TJP3: variants seen among roughly 807,000 people sequenced by gnomAD.
TJP3 encodes tight junction protein ZO-3.
TJP3 carries 85 observed loss-of-function variants against 104.2 expected under a neutral mutation model. The ratio of observed to expected loss-of-function variants is 0.82; its 90% confidence interval spans 0.68 to 0.98. The LOEUF (loss-of-function observed/expected upper bound fraction) is 0.98. Ranked by LOEUF, TJP3 falls within the 50% of genes least tolerant of loss-of-function variation. The pLI is 0.00. For missense variants in TJP3, 1,367 were observed against 1,322.8 expected (o/e 1.03, Z -0.52); for synonymous variants, 550 against 550.6 (o/e 1.00, Z 0.02).
chr19:3,716,801 A>ATATATTTTTTT (rs1421328174), intron 1 of TJP3, among the ~76,000 whole-genome samples: 1 of 81,972 alleles, frequency 1.2e-5, no homozygotes, highest in African/African-American at 4.9e-5. Flanking sequence ...ATATATATAT[A>ATATATTTTTTT]TTTTTTTTTT....
At position 3,730,795 on chromosome 19, in the gene TJP3, C is replaced by T; in HGVS notation, c.613+89C>T. On this transcript the variant is annotated intron_variant, in intron 5 of 20. Coordinates refer to ENST00000541714, the MANE Select transcript of TJP3 (RefSeq NM_001267560.2). This position sits in a 1 kb window ranked among gnomAD's most constrained non-coding sequence, Gnocchi z 7.3. ...CGACGGTTTCAAGTGATTCTCCTGCCTCAGCCTCCCTGGTGGCTGGGACTC... is the reference window on the plus strand; with the variant it reads ...CGACGGTTTCAAGTGATTCTCCTGCTTCAGCCTCCCTGGTGGCTGGGACTC... The T allele has an allele frequency of 7.2e-7, 1 of 1,388,458 alleles. No homozygotes were observed. The highest frequency in any genetic ancestry group is 1.4e-5 in the South Asian group (1 of 70,778). 86.0% of individuals were successfully genotyped at this position (1,388,458 alleles called of 1,614,324 possible). A position where few individuals can be genotyped will look rare whatever the true frequency, so the allele number is the denominator to read the frequency against.
intron 1 of TJP3, among the ~76,000 whole-genome samples, chr19:3,725,279 T>TCAACCAAC (rs2036585305): frequency 6.8e-6 from 1 of 147,150 alleles, no homozygotes; most frequent in Non-Finnish European, 1.5e-5. Flanking sequence ...AAACAACCAA[T>TCAACCAAC]CAACCAACCA....
At chr19:3,749,323 C>G (rs1053238243) in intron 19 of TJP3, among the ~76,000 whole-genome samples, 2 of 151,958 alleles carry the variant, frequency 1.3e-5, no homozygotes, top group African/African-American at 4.8e-5. Context: ...TGAACTTGAC[C>G]TATCTAATTT....
At chr19:3,748,847 C>A (rs1480548829) in intron 19 of TJP3, among the ~76,000 whole-genome samples, 1 of 116,260 alleles carries the variant, frequency 8.6e-6, no homozygotes. Flanking sequence ...CTGCACCCGG[C>A]CTTTTTTTTT....
chr19:3,735,665 G>A (rs2036729145), intron 9 of TJP3, 26 bp downstream of exon 9: 5 of 1,613,244 alleles, frequency 3.1e-6, no homozygotes, highest in Non-Finnish European at 4.2e-6. Flanking sequence ...GAGCACCCCT[G>A]TCCCTGACAT....
At chr19:3,709,932 A>C (rs2036418315) in intron 1 of TJP3, among the ~76,000 whole-genome samples, 1 of 151,962 alleles carries the variant, frequency 6.6e-6, no homozygotes, top group Non-Finnish European at 1.5e-5. Flanking sequence ...AGTGGATCAC[A>C]AGGTCAGGAG....
rs2036727609 is a variant in TJP3 at position 3,735,568 on chromosome 19, A to C, written c.989A>C (p.Glu330Ala). ...PEASQTDSPV[E>A]SPRLRRESSV... Reference sequence around the variant, plus strand: ...ACTCCCAATCTGTTCCCCACCAGGGAGAGTCCCCGGCTTCGGCGGGAAAGT... The same window carrying C: ...ACTCCCAATCTGTTCCCCACCAGGGCGAGTCCCCGGCTTCGGCGGGAAAGT... The change falls in exon 9 of 21, where the codon GAG becomes GCG. Residue 330 changes from glutamate to alanine, a missense_variant and splice_region_variant. Coordinates refer to ENST00000541714, the MANE Select transcript of TJP3 (RefSeq NM_001267560.2). The C allele has an allele frequency of 6.2e-7, 1 of 1,614,164 alleles. No individual in the cohort carries two copies. The highest frequency in any genetic ancestry group is 2.2e-5 in the East Asian group (1 of 44,880).
Position 3,735,853 on chromosome 19 carries a change from G to A in TJP3, c.1061-16G>A. Reference sequence around the variant, plus strand: ...AGCCAGTGTGCTTGGGAAAGAGACTGGCTTTTCCCTTTCAGAGTTGCCCAG... The same window carrying A: ...AGCCAGTGTGCTTGGGAAAGAGACTAGCTTTTCCCTTTCAGAGTTGCCCAG... On this transcript the variant is annotated splice_polypyrimidine_tract_variant and intron_variant, in intron 9 of 20. Coordinates refer to ENST00000541714, the MANE Select transcript of TJP3 (RefSeq NM_001267560.2). The A allele has an allele frequency of 6.2e-7, 1 of 1,614,030 alleles. No homozygotes were observed. Among genetic ancestry groups the A allele is most frequent in the East Asian group, 2.2e-5 (1 of 44,876 alleles).
At chr19:3,737,638 A>G (rs2036754209) in intron 11 of TJP3, among the ~76,000 whole-genome samples, 1 of 151,970 alleles carries the variant, frequency 6.6e-6, no homozygotes, top group South Asian at 2.1e-4. Context: ...CTTTGCTCTC[A>G]TGACCTTGCT....
intron 1 of TJP3, among the ~76,000 whole-genome samples, chr19:3,710,650 G>A (rs1356110146): frequency 1.3e-5 from 2 of 152,160 alleles, no homozygotes; most frequent in Non-Finnish European, 2.9e-5. Context: ...AATGGATTGA[G>A]GTTAGCGGAA....
At chr19:3,745,648 A>C (rs2036877393) in intron 15 of TJP3, among the ~76,000 whole-genome samples, 1 of 152,152 alleles carries the variant, frequency 6.6e-6, no homozygotes, top group African/African-American at 2.4e-5. Flanking sequence ...GCCTGAGCAG[A>C]GCCCTGGAGT....
In TJP3 at chr19:3,750,048, A is replaced by G. The variant is rs375398559; in HGVS notation, c.2611-90A>G. ...GCAAGTGGGCAGCATGGCCCGGGCC[A>G]AGGTGGGGGATGGGATGGAGGTGGT... is the stretch of plus-strand genomic sequence containing the variant. On this transcript the variant is annotated intron_variant, in intron 19 of 20. Coordinates refer to ENST00000541714, the MANE Select transcript of TJP3 (RefSeq NM_001267560.2). 2.6e-5 allele frequency: 41 copies of G among 1,561,250 alleles called. No individual in the cohort carries two copies. The East Asian group carries it at 5.0e-4, about 19-fold the overall frequency.
intron 1 of TJP3, among the ~76,000 whole-genome samples, chr19:3,725,298 A>G (rs2036585613): frequency 1.3e-5 from 2 of 151,652 alleles, no homozygotes; most frequent in Non-Finnish European, 2.9e-5. Flanking sequence ...CAACCAACCA[A>G]AAAAGAGCCA....
At position 3,748,094 on chromosome 19, in the gene TJP3, T is replaced by A; in HGVS notation, c.2610+13T>A. 1 of 1,541,010 alleles carries A rather than the reference T, an allele frequency of 6.5e-7. No individual in the cohort carries two copies. The stretch of plus-strand genomic sequence containing the variant: ...TCAGGGGGCCCAGGTGCGTCGGACA[T>A]GGGGGGCAGGCCTGGGAAGGGTCTC... On this transcript the variant is annotated intron_variant, in intron 19 of 20. Coordinates refer to ENST00000541714, the MANE Select transcript of TJP3 (RefSeq NM_001267560.2).
chr19:3,750,103 G>C, intron 19 of TJP3, 35 bp from the exon 20 acceptor site: 1 of 1,613,962 alleles, frequency 6.2e-7, no homozygotes, highest in Non-Finnish European at 8.5e-7. Flanking sequence ...TGCTCTGGGG[G>C]GAGTTTTGAA....
At chr19:3,750,265 G>C in intron 20 of TJP3, 81 bp downstream of exon 20, 1 of 1,582,504 alleles carries the variant, frequency 6.3e-7, no homozygotes, top group Non-Finnish European at 8.7e-7. Flanking sequence ...CTAGATCCAA[G>C]CTATGCCTTC....
intron 18 of TJP3, among the ~76,000 whole-genome samples, 175 bp from the exon 19 acceptor site, chr19:3,747,619 T>TGAAG (rs999442077): frequency 6.6e-6 from 1 of 152,112 alleles, no homozygotes; most frequent in African/African-American, 2.4e-5. Flanking sequence ...GCCTCTCAGG[T>TGAAG]GAAGGGTCAA....
At chr19:3,731,903 C>G (rs760240113) in intron 5 of TJP3, 32 bp from the exon 6 acceptor site, 28 of 1,595,430 alleles carry the variant, frequency 1.8e-5, no homozygotes, top group African/African-American at 2.7e-5. Context: ...TCTCCAGAGT[C>G]CTGCCTCAGT....
At chr19:3,727,741 A>G (rs772179656) in intron 1 of TJP3, among the ~76,000 whole-genome samples, 53 of 152,130 alleles carry the variant, frequency 3.5e-4, no homozygotes, top group Non-Finnish European at 7.2e-4. Flanking sequence ...TACTAAAAAT[A>G]GAAAAATTAG....
Sources: allele counts gnomAD v4.1 joint callset (sites outside exome capture counted in the v4.1 genomes callset), GRCh38; gene constraint gnomAD v4.1.1; non-coding constraint Gnocchi (gnomAD v3.1); transcripts MANE v1.5; gene names NCBI Gene and HGNC (gene_info 2026-07-23, HGNC 2026-07-21).